The following RYR2 variants were observed in gnomAD, a reference collection of about 807,000 sequenced individuals.
RYR2 encodes the protein cardiac muscle ryanodine receptor-calcium release channel.
Under a neutral mutation model 601.1 loss-of-function variants are expected in RYR2, and 227 were observed. The observed-to-expected ratio is 0.38, with a 90% confidence interval of 0.34 to 0.42. The LOEUF is 0.42. RYR2 is among the 10% of genes least tolerant of loss of function. RYR2 has a pLI of 1.00. For synonymous variants in RYR2, 2,223 were observed against 2,175.1 expected (o/e 1.02, Z -0.61); for missense variants, 4,646 against 6,156.5 (o/e 0.75, Z 8.21).
intron 2 of RYR2, among the ~76,000 whole-genome samples, chr1:237,296,021 T>C (rs922469272): frequency 6.6e-6 from 1 of 152,140 alleles, no homozygotes; most frequent in Non-Finnish European, 1.5e-5. Context: ...TGGATTGGAT[T>C]GGTTTATTGT....
chr1:237,666,501 A>T lies in RYR2; in HGVS notation c.8437-11A>T. The T allele has an allele frequency of 1.9e-6, 3 of 1,608,060 alleles. No individual in the cohort carries two copies. Among genetic ancestry groups the T allele is most frequent in the Non-Finnish European group, 2.5e-6 (3 of 1,177,600 alleles). On this transcript the variant is annotated splice_polypyrimidine_tract_variant and intron_variant, in intron 56 of 104. Transcript: ENST00000366574. ...TTAATGAGGCACTGTTTTTTCACACAAATGATCTAGGTTTCTGTGGACGCT... is the reference window on the plus strand; with the variant it reads ...TTAATGAGGCACTGTTTTTTCACACTAATGATCTAGGTTTCTGTGGACGCT...
At chr1:237,257,556 T>G (rs1688111817) in intron 1 of RYR2, among the ~76,000 whole-genome samples, 1 of 152,174 alleles carries the variant, frequency 6.6e-6, no homozygotes, top group Non-Finnish European at 1.5e-5. Context: ...CATTCATTCT[T>G]TATTCTCCAA....
Position 237,614,205 on chromosome 1 carries a change from T to A in RYR2, c.5077T>A (p.Tyr1693Asn). 1 of 1,614,020 alleles carries A rather than the reference T, an allele frequency of 6.2e-7. No individual in the cohort carries two copies. The highest frequency in any genetic ancestry group is 8.5e-7 in the Non-Finnish European group (1 of 1,179,902). Residue 1693 changes from tyrosine to asparagine, a missense_variant, in exon 37 of 105, where the codon TAC becomes AAC. Transcript: ENST00000366574. The surrounding 1 kb of genome is among the most constrained non-coding windows in gnomAD (Gnocchi z 4.3). ...GCTCCTCTATGCCATTGAGAACAAG[T>A]ACATGCCTGGTTTGCTGCGTGCTGG... ...PQLLYAIENKYMPGLLRAGYY... is the reference protein window; with the variant it reads ...PQLLYAIENKNMPGLLRAGYY...
intron 2 of RYR2, among the ~76,000 whole-genome samples, chr1:237,302,753 AT>A (rs369305323): frequency 2.2e-4 from 34 of 152,110 alleles, no homozygotes; most frequent in Middle Eastern, 3.4e-3. Context: ...TTTGTTTTCC[AT>A]TTTTTTTCTA....
At chr1:237,805,580 C>CA (rs772404939) in intron 98 of RYR2, among the ~76,000 whole-genome samples, 12,491 of 37,472 alleles carry the variant, frequency 0.33, 3,177 homozygotes, top group East Asian at 0.4. Context: ...GACTCTGTCT[C>CA]AAAAAAAAAA....
intron 92 of RYR2, 59 bp downstream of exon 92, chr1:237,788,194 G>A: frequency 7.1e-7 from 1 of 1,406,794 alleles, no homozygotes; most frequent in Admixed American, 2.1e-5. Flanking sequence ...AATAATTTAG[G>A]CTCAGTAAAT....
intron 1 of RYR2, among the ~76,000 whole-genome samples, chr1:237,068,475 C>T (rs1663921175): frequency 6.6e-6 from 1 of 152,120 alleles, no homozygotes; most frequent in Non-Finnish European, 1.5e-5. Flanking sequence ...TTGTCCCTTA[C>T]CAACGTGGCC....
At chr1:237,114,684 G>A (rs1669865644) in intron 1 of RYR2, among the ~76,000 whole-genome samples, 1 of 152,198 alleles carries the variant, frequency 6.6e-6, no homozygotes, top group Non-Finnish European at 1.5e-5. Context: ...AATGGGGGAA[G>A]GGGCTGTAGC....
At chr1:237,418,962 A>T (rs1214263830) in intron 11 of RYR2, among the ~76,000 whole-genome samples, 2 of 120,316 alleles carry the variant, frequency 1.7e-5, no homozygotes. Context: ...CTTCTAAGGC[A>T]AACAAAGGAA....
intron 3 of RYR2, among the ~76,000 whole-genome samples, chr1:237,355,238 G>C (rs903814045): frequency 1.3e-5 from 2 of 152,134 alleles, no homozygotes; most frequent in Admixed American, 6.6e-5. Context: ...TTGAGATTGA[G>C]TATGTCTCTC....
chr1:237,123,695 C>G lies in RYR2; in HGVS notation c.48+81126C>G, dbSNP rs1188367973. ...TTTTTTTTTGAGACGGAGTCTCGCT[C>G]TGTCGCCCAGGCCGGACTGCGGACT... On this transcript the variant is annotated intron_variant, in intron 1 of 104. Transcript: ENST00000366574. Among the ~76,000 whole-genome samples the G allele has an allele frequency of 2.6e-5, 3 of 115,652 alleles. No individual in the cohort carries two copies. The East Asian group carries it at 8.6e-4, about 33-fold the overall frequency. The allele number at this position is 115,652 out of a possible 152,430, so 75.9% of individuals were successfully genotyped here.
chr1:237,724,007 T>C (rs1374633894), intron 74 of RYR2, among the ~76,000 whole-genome samples: 2 of 151,814 alleles, frequency 1.3e-5, no homozygotes, highest in Admixed American at 1.3e-4. Context: ...ATCAAGTCCA[T>C]TCAGCAAAAT....
intron 3 of RYR2, 128 bp from the exon 4 acceptor site, chr1:237,355,837 T>C (rs10802608): frequency 1.4e-6 from 1 of 736,948 alleles, no homozygotes; most frequent in Non-Finnish European, 2.2e-6. Flanking sequence ...CAATTTTTTA[T>C]GCTTTAGAAT....
chr1:237,081,462 G>T (rs1444716264), intron 1 of RYR2, among the ~76,000 whole-genome samples: 1 of 150,366 alleles, frequency 6.7e-6, no homozygotes, highest in African/African-American at 2.4e-5. Context: ...TCCACAGGAG[G>T]ACCCTGTCTT....
At position 237,473,427 on chromosome 1, in the gene RYR2, C is replaced by CTTTCTT. The variant is rs1553464621; in HGVS notation, c.1708+4241_1708+4242insTTCTTT. Among the ~76,000 whole-genome samples the CTTTCTT allele has an allele frequency of 1.5e-3, 151 of 102,434 alleles. 14 individuals carry two copies. Among genetic ancestry groups the CTTTCTT allele is most frequent in the Admixed American group, 2.0e-3 (21 of 10,720 alleles). The allele number at this position is 102,434 out of a possible 152,430, so 67.2% of individuals were successfully genotyped here. A position where few individuals can be genotyped will look rare whatever the true frequency, so the allele number is the denominator to read the frequency against. On this transcript the variant is annotated intron_variant, in intron 17 of 104. Coordinates refer to ENST00000366574, the MANE Select transcript of RYR2 (RefSeq NM_001035.3). The stretch of plus-strand genomic sequence containing the variant: ...CGACAGAACGAGACTCCATCTCTCT[C>CTTTCTT]TCTCTCTTTCTTTCTTTCTTTCTTT...
intron 1 of RYR2, among the ~76,000 whole-genome samples, chr1:237,135,532 A>AT (rs71178396): frequency 0.012 from 1,654 of 136,072 alleles, 13 homozygotes; most frequent in South Asian, 0.029. Context: ...ACCACACCTA[A>AT]TTTTTTTTTT....
rs756351609 is a variant in RYR2 at position 237,726,319 on chromosome 1, T to A, written c.10725+11T>A. 1 of 1,555,144 alleles carries A rather than the reference T, an allele frequency of 6.4e-7. No individual in the cohort carries two copies. The highest frequency in any genetic ancestry group is 1.2e-5 in the South Asian group (1 of 86,784). ...AGACATTACTGTCTGGGAAGTACAG[T>A]GCTCAATGGCCTAGAGATTACTAAT... On this transcript the variant is annotated intron_variant, in intron 75 of 104. Transcript: ENST00000366574.
At chr1:237,808,616 T>C (rs1660906655) in intron 99 of RYR2, among the ~76,000 whole-genome samples, 1 of 147,010 alleles carries the variant, frequency 6.8e-6, no homozygotes, top group Non-Finnish European at 1.5e-5. Flanking sequence ...GCTCAGATTG[T>C]GCCACAGCAC....
chr1:237,649,302 A>G (rs1332631893), intron 49 of RYR2, among the ~76,000 whole-genome samples: 2 of 152,194 alleles, frequency 1.3e-5, no homozygotes, highest in Non-Finnish European at 2.9e-5. Context: ...TAGCCCCTTC[A>G]TGAAATATAT....
Sources: allele counts gnomAD v4.1 joint callset (sites outside exome capture counted in the v4.1 genomes callset), GRCh38; gene constraint gnomAD v4.1.1; non-coding constraint Gnocchi (gnomAD v3.1); transcripts MANE v1.5; gene names NCBI Gene and HGNC (gene_info 2026-07-23, HGNC 2026-07-21).